Variants in STX17 observed in about 807,000 individuals in gnomAD.
STX17 encodes the protein syntaxin 17.
A neutral mutation model predicts 35.9 loss-of-function variants in STX17; 29 were observed. The ratio of observed to expected loss-of-function variants is 0.81; its 90% CI spans 0.60 to 1.10. The LOEUF (loss-of-function observed/expected upper bound fraction) is 1.10, where lower values mean the gene tolerates loss of function less well. Among genes scored for constraint, STX17 ranks in the 50% least tolerant of loss-of-function variants. The pLI is 0.00. For synonymous variants in STX17, 92 were observed against 118.3 expected (o/e 0.78, Z 1.44); for missense variants, 312 against 352.3 (o/e 0.89, Z 0.92).
At chr9:99,942,129 C>A (rs1829377355) in intron 3 of STX17, among the ~76,000 whole-genome samples, 2 of 152,172 alleles carry the variant, frequency 1.3e-5, no homozygotes, top group Non-Finnish European at 2.9e-5. Flanking sequence ...CTTACCAATA[C>A]CAATATTTAG....
intron 2 of STX17, among the ~76,000 whole-genome samples, chr9:99,927,140 T>A (rs924801320): frequency 7.9e-5 from 12 of 152,354 alleles, no homozygotes; most frequent in Middle Eastern, 3.4e-3. Flanking sequence ...CCATGCAGCC[T>A]TCTCCTCTCT....
At chr9:99,939,668 T>C (rs1318282157) in intron 3 of STX17, among the ~76,000 whole-genome samples, 1 of 152,188 alleles carries the variant, frequency 6.6e-6, no homozygotes, top group East Asian at 1.9e-4. Flanking sequence ...TCCTATTTAG[T>C]GTGTTCTATT....
chr9:99,963,441 A>G (rs1393985389), intron 6 of STX17, among the ~76,000 whole-genome samples: 2 of 152,198 alleles, frequency 1.3e-5, no homozygotes, highest in Non-Finnish European at 2.9e-5. Flanking sequence ...CTCTGGAAAC[A>G]TAAAAACTGG....
At chr9:99,948,069 T>G (rs1268247222) in intron 3 of STX17, among the ~76,000 whole-genome samples, 1 of 152,052 alleles carries the variant, frequency 6.6e-6, no homozygotes, top group Non-Finnish European at 1.5e-5. Flanking sequence ...CAGAAACACC[T>G]GACTTTATGT....
At chr9:99,952,610 G>A (rs1295870674) in intron 4 of STX17, among the ~76,000 whole-genome samples, 1 of 152,120 alleles carries the variant, frequency 6.6e-6, no homozygotes, top group African/African-American at 2.4e-5. Context: ...ATTCACAATA[G>A]CAAAGACTTG....
chr9:99,907,905 G>T (rs1325922632), intron 1 of STX17, among the ~76,000 whole-genome samples: 1 of 151,998 alleles, frequency 6.6e-6, no homozygotes. Flanking sequence ...TTGGGTCCTT[G>T]GTCTCCTCCA....
chr9:99,920,439 A>G (rs1232392822), intron 2 of STX17, among the ~76,000 whole-genome samples: 1 of 152,234 alleles, frequency 6.6e-6, no homozygotes, highest in Non-Finnish European at 1.5e-5. Flanking sequence ...GCAGCAACAT[A>G]GAACTTGGAC....
intron 6 of STX17, among the ~76,000 whole-genome samples, chr9:99,963,402 T>C (rs1829862848): frequency 6.6e-6 from 1 of 152,194 alleles, no homozygotes; most frequent in Admixed American, 6.5e-5. Flanking sequence ...TTTTGCCTTA[T>C]TCCCTGTCGT....
rs1029470206 is a variant in STX17, at chr9:99,973,648, A to T, written c.*4975A>T. On this transcript the variant is annotated 3_prime_UTR_variant, in exon 8 of 8. Transcript: ENST00000259400. Reference sequence around the variant, plus strand: ...ATTTCTAAATATATCCATGGCCATCACCCTAGTAAAAAGACTATTACCTCA... The same window carrying T: ...ATTTCTAAATATATCCATGGCCATCTCCCTAGTAAAAAGACTATTACCTCA... 1.3e-5 allele frequency among the ~76,000 whole-genome samples: 2 copies of T among 152,044 alleles called. No homozygotes were observed. Among genetic ancestry groups the T allele is most frequent in the African/African-American group, 4.8e-5 (2 of 41,374 alleles).
rs1268061911 is a variant in STX17 at position 99,973,585 on chromosome 9, T to TTGTCC, written c.*4917_*4921dup. ...TTGACTCCATTCCTTATATCAAGAC[T>TTGTCC]TGTCCTGTCAATTCTCCCTTAAATG... On this transcript the variant is annotated 3_prime_UTR_variant, in exon 8 of 8. Coordinates refer to ENST00000259400, the MANE Select transcript of STX17 (RefSeq NM_017919.3). Among the ~76,000 whole-genome samples the TTGTCC allele has an allele frequency of 6.6e-6, 1 of 152,188 alleles. No homozygotes were observed. Among genetic ancestry groups the TTGTCC allele is most frequent in the Non-Finnish European group, 1.5e-5 (1 of 68,032 alleles).
At chr9:99,926,699 C>G (rs1335799509) in intron 2 of STX17, among the ~76,000 whole-genome samples, 1 of 152,072 alleles carries the variant, frequency 6.6e-6, no homozygotes, top group African/African-American at 2.4e-5. Flanking sequence ...GGGGTTTCAC[C>G]ATATTAGCCA....
intron 2 of STX17, among the ~76,000 whole-genome samples, chr9:99,927,081 G>A (rs1405034048): frequency 6.6e-6 from 1 of 152,132 alleles, no homozygotes; most frequent in Non-Finnish European, 1.5e-5. Context: ...CAGATCTCTG[G>A]AGTTCTCTCT....
intron 4 of STX17, among the ~76,000 whole-genome samples, chr9:99,952,574 T>C (rs796554780): frequency 6.6e-6 from 1 of 152,296 alleles, no homozygotes; most frequent in East Asian, 1.9e-4. Context: ...TAAAGACACA[T>C]GCACACGTAT....
rs1319024687 is a variant in STX17, at chr9:99,915,185, T to C, written c.-55T>C. 5 of 1,534,710 alleles carry C rather than the reference T, an allele frequency of 3.3e-6. No homozygotes were observed. Among genetic ancestry groups the C allele is most frequent in the Non-Finnish European group, 4.4e-6 (5 of 1,144,774 alleles). On this transcript the variant is annotated 5_prime_UTR_variant, in exon 2 of 8. Transcript: ENST00000259400. ...GAAATATTTTTCTTTTAGGTTTTTCTATATGAGTGGAGAAGACAGCTGTTA... is the reference window on the plus strand; with the variant it reads ...GAAATATTTTTCTTTTAGGTTTTTCCATATGAGTGGAGAAGACAGCTGTTA...
At chr9:99,930,389 TC>T (rs892057115) in intron 3 of STX17, among the ~76,000 whole-genome samples, 1 of 151,890 alleles carries the variant, frequency 6.6e-6, no homozygotes, top group Non-Finnish European at 1.5e-5. Flanking sequence ...TGCCTCAGCC[TC>T]CCGAGTAGCT....
chr9:99,945,954 G>C (rs945106896), intron 3 of STX17: 1 of 157,374 alleles, frequency 6.4e-6, no homozygotes, highest in Non-Finnish European at 1.4e-5. Flanking sequence ...GTGGTGGCTG[G>C]CGCCTGTAAT....
intron 2 of STX17, among the ~76,000 whole-genome samples, chr9:99,925,161 A>G (rs1389279537): frequency 6.6e-6 from 1 of 150,496 alleles, no homozygotes; most frequent in Admixed American, 6.6e-5. Flanking sequence ...TTATTTTTTT[A>G]GTGGTTGCTT....
At chr9:99,929,142 G>T in intron 3 of STX17, 1 of 209,418 alleles carries the variant, frequency 4.8e-6, no homozygotes, top group Non-Finnish European at 9.5e-6. Flanking sequence ...TAATTGATAG[G>T]TTAAAATTGT....
intron 3 of STX17, among the ~76,000 whole-genome samples, chr9:99,946,058 G>T (rs1455977262): frequency 6.6e-6 from 1 of 152,136 alleles, no homozygotes; most frequent in African/African-American, 2.4e-5. Context: ...ACTCCAGCCT[G>T]GGCGATAGAG....
Sources: allele counts gnomAD v4.1 joint callset (sites outside exome capture counted in the v4.1 genomes callset), GRCh38; gene constraint gnomAD v4.1.1; transcripts MANE v1.5; gene names NCBI Gene and HGNC (gene_info 2026-07-23, HGNC 2026-07-21).